Variants in DPP10 observed in about 807,000 individuals in gnomAD.
DPP10 encodes dipeptidyl peptidase like 10.
A neutral mutation model predicts 120.9 loss-of-function variants in DPP10; 33 were observed. That is an observed-to-expected ratio of 0.27 (90% CI 0.21 to 0.37). The LOEUF (loss-of-function observed/expected upper bound fraction) is 0.37, where lower values mean the gene tolerates loss of function less well. Among genes scored for constraint, DPP10 ranks in the 10% least tolerant of loss-of-function variants. The pLI, the probability that DPP10 is intolerant of heterozygous loss-of-function variation, is 1.00. For synonymous variants in DPP10, 337 were observed against 326.1 expected (o/e 1.03, Z -0.36); for missense variants, 816 against 942.8 (o/e 0.87, Z 1.76).
chr2:115,783,935 TAATC>T (rs1167100770), intron 17 of DPP10, among the ~76,000 whole-genome samples: 2 of 152,204 alleles, frequency 1.3e-5, no homozygotes, highest in African/African-American at 2.4e-5. Flanking sequence ...AGGACACACT[TAATC>T]AATAACTATT....
intron 1 of DPP10, among the ~76,000 whole-genome samples, chr2:114,966,364 C>CT (rs35753720): frequency 2.6e-5 from 4 of 152,092 alleles, no homozygotes; most frequent in Non-Finnish European, 5.9e-5. Context: ...TGCAGGGTTA[C>CT]TTTTTTGCAC....
intron 19 of DPP10, among the ~76,000 whole-genome samples, chr2:115,811,602 A>G (rs1686656748): frequency 6.6e-6 from 1 of 152,208 alleles, no homozygotes; most frequent in South Asian, 2.1e-4. Flanking sequence ...TCATACGTAG[A>G]TTGGAAAGTT....
intron 1 of DPP10, among the ~76,000 whole-genome samples, chr2:115,006,662 A>C (rs1182242258): frequency 6.6e-6 from 1 of 150,624 alleles, no homozygotes; most frequent in Non-Finnish European, 1.5e-5. Flanking sequence ...CAACAAGAAG[A>C]GCTAACTATC....
At chr2:114,713,841 C>T (rs918437244) in intron 1 of DPP10, among the ~76,000 whole-genome samples, 7 of 151,622 alleles carry the variant, frequency 4.6e-5, no homozygotes, top group Non-Finnish European at 7.4e-5. Flanking sequence ...CAAAAATAGC[C>T]GGGCGTGGTA....
chr2:114,701,314 T>C (rs72830357), intron 1 of DPP10, among the ~76,000 whole-genome samples: 1,990 of 152,184 alleles, frequency 0.013, 16 homozygotes, highest in Middle Eastern at 0.034. Flanking sequence ...TCCCATTTTA[T>C]AGATGAGAAT....
At chr2:114,961,359 T>C (rs752454230) in intron 1 of DPP10, among the ~76,000 whole-genome samples, 2 of 152,098 alleles carry the variant, frequency 1.3e-5, no homozygotes, top group African/African-American at 2.4e-5. Flanking sequence ...TGGCCCTGTA[T>C]GTGCTTTTTT....
In DPP10 at chr2:115,643,292, G is replaced by A. The variant is rs114668187; in HGVS notation, c.442-46395G>A. Reference sequence around the variant, plus strand: ...ACAATGGTTCTTCTTAATTGCTCAAGACACTCCACTGTGACATTGGCTACT... The same window carrying A: ...ACAATGGTTCTTCTTAATTGCTCAAAACACTCCACTGTGACATTGGCTACT... On this transcript the variant is annotated intron_variant, in intron 5 of 25. Coordinates refer to ENST00000410059, the MANE Select transcript of DPP10 (RefSeq NM_020868.6). 6.5e-3 allele frequency among the ~76,000 whole-genome samples: 990 copies of A among 152,246 alleles called. 11 individuals are homozygous for A. Among genetic ancestry groups the A allele is most frequent in the African/African-American group, 0.023 (948 of 41,538 alleles).
intron 1 of DPP10, among the ~76,000 whole-genome samples, chr2:114,976,170 A>G (rs915152629): frequency 1.3e-5 from 2 of 152,204 alleles, no homozygotes; most frequent in Non-Finnish European, 2.9e-5. Context: ...TAAACTACAT[A>G]TTTCATTTTT....
At chr2:115,287,966 G>T (rs1417121782) in intron 1 of DPP10, among the ~76,000 whole-genome samples, 1 of 152,058 alleles carries the variant, frequency 6.6e-6, no homozygotes, top group Non-Finnish European at 1.5e-5. Context: ...TGTGAATTAG[G>T]CTGTGATAAA....
intron 8 of DPP10, among the ~76,000 whole-genome samples, chr2:115,738,278 A>G (rs1676833634): frequency 6.6e-6 from 1 of 152,186 alleles, no homozygotes; most frequent in African/African-American, 2.4e-5. Flanking sequence ...ACTCTTCCAA[A>G]GATACCATCG....
chr2:114,465,625 A>G (rs910887866), intron 1 of DPP10, among the ~76,000 whole-genome samples: 1 of 152,214 alleles, frequency 6.6e-6, no homozygotes, highest in African/African-American at 2.4e-5. Flanking sequence ...GATCTTTTCA[A>G]TGAGCTTACT....
chr2:114,697,354 G>A (rs1035874372), intron 1 of DPP10, among the ~76,000 whole-genome samples: 7 of 151,990 alleles, frequency 4.6e-5, no homozygotes, highest in Non-Finnish European at 8.8e-5. Flanking sequence ...AAGTTACCAC[G>A]GTTAGTTAGT....
chr2:115,407,782 C>A (rs2104549033), intron 3 of DPP10, among the ~76,000 whole-genome samples: 1 of 152,224 alleles, frequency 6.6e-6, no homozygotes, highest in Middle Eastern at 3.4e-3. Flanking sequence ...ATTAACTCTT[C>A]CCAGTTTGGA....
chr2:115,352,508 TACATTG>T (rs1204022265), intron 3 of DPP10, among the ~76,000 whole-genome samples: 1 of 152,204 alleles, frequency 6.6e-6, no homozygotes, highest in Non-Finnish European at 1.5e-5. Flanking sequence ...GAATAATAGA[TACATTG>T]ACATTGACAT....
chr2:115,123,166 G>T (rs1377559894), intron 1 of DPP10, among the ~76,000 whole-genome samples: 1 of 152,180 alleles, frequency 6.6e-6, no homozygotes, highest in Admixed American at 6.5e-5. Context: ...GCAGAAGTAG[G>T]TTGAAGGCAG....
chr2:114,449,472 T>A lies in DPP10; in HGVS notation c.60+6634T>A, dbSNP rs571001933. On this transcript the variant is annotated intron_variant, in intron 1 of 25. Coordinates refer to ENST00000410059, the MANE Select transcript of DPP10 (RefSeq NM_020868.6). Reference sequence around the variant, plus strand: ...TTCATAGCACTCTGATGTTTTTCTTTTTTTTTTTTTTTATAGTTACCACTG... The same window carrying A: ...TTCATAGCACTCTGATGTTTTTCTTATTTTTTTTTTTTATAGTTACCACTG... Among the ~76,000 whole-genome samples, 46 of 149,786 alleles carry A rather than the reference T, an allele frequency of 3.1e-4. 1 individual carries two copies. In the South Asian group the frequency reaches 9.2e-3, roughly 30 times the overall value.
chr2:115,416,142 GCACTGCAGAATATGTTGT>G (rs1200025554), intron 3 of DPP10, among the ~76,000 whole-genome samples: 1 of 151,984 alleles, frequency 6.6e-6, no homozygotes, highest in Non-Finnish European at 1.5e-5. Flanking sequence ...CAATTAAGAT[GCACTGCAGAATATGTTGT>G]CATGGAATGG....
chr2:114,911,082 G>A (rs1275487125), intron 1 of DPP10, among the ~76,000 whole-genome samples: 2 of 152,138 alleles, frequency 1.3e-5, no homozygotes, highest in African/African-American at 2.4e-5. Context: ...TCCTTCACGT[G>A]ACTAATATGG....
intron 13 of DPP10, among the ~76,000 whole-genome samples, chr2:115,774,162 C>T (rs75546193): frequency 0.019 from 2,886 of 151,310 alleles, 100 homozygotes; most frequent in African/African-American, 0.066. Flanking sequence ...TGGGTTTTTA[C>T]TCATGGCAAT....
Sources: allele counts gnomAD v4.1 joint callset (sites outside exome capture counted in the v4.1 genomes callset), GRCh38; gene constraint gnomAD v4.1.1; transcripts MANE v1.5; gene names NCBI Gene and HGNC (gene_info 2026-07-23, HGNC 2026-07-21).